Variants in LRBA observed in about 807,000 individuals in gnomAD.
LRBA encodes the protein lipopolysaccharide-responsive and beige-like anchor protein.
LRBA carries 176 observed loss-of-function variants against 330.0 expected under a neutral mutation model. That is an observed-to-expected ratio of 0.53 (90% confidence interval 0.47 to 0.60). LRBA has a LOEUF of 0.60. Ranked by LOEUF, LRBA falls within the 20% of genes least tolerant of loss-of-function variation. The pLI, the probability that LRBA is intolerant of heterozygous loss-of-function variation, is 0.00. For missense variants in LRBA, 3,259 were observed against 3,444.8 expected (o/e 0.95, Z 1.35); for synonymous variants, 1,230 against 1,193.0 (o/e 1.03, Z -0.64).
intron 33 of LRBA, among the ~76,000 whole-genome samples, chr4:150,802,492 C>T (rs553465221): frequency 1.3e-5 from 2 of 151,940 alleles, no homozygotes; most frequent in South Asian, 4.1e-4. Context: ...ATCCAGTGAA[C>T]TCACATATAA....
At chr4:150,799,165 C>T (rs1024212042) in intron 33 of LRBA, among the ~76,000 whole-genome samples, 1 of 152,172 alleles carries the variant, frequency 6.6e-6, no homozygotes, top group African/African-American at 2.4e-5. Context: ...AAGGGCTGTT[C>T]ACCCCCTTCG....
chr4:150,984,967 A>C (rs1371058978), intron 2 of LRBA, among the ~76,000 whole-genome samples: 1 of 152,228 alleles, frequency 6.6e-6, no homozygotes, highest in African/African-American at 2.4e-5. Flanking sequence ...AGCATTTTTA[A>C]ATAAGTCTTA....
chr4:150,555,728 G>A (rs914118929), intron 40 of LRBA, among the ~76,000 whole-genome samples: 2 of 147,594 alleles, frequency 1.4e-5, no homozygotes, highest in Non-Finnish European at 3.0e-5. Flanking sequence ...TCCAGCCTGG[G>A]TAACAGAGTG....
intron 40 of LRBA, among the ~76,000 whole-genome samples, chr4:150,572,959 T>C (rs1770048735): frequency 6.6e-6 from 1 of 152,104 alleles, no homozygotes; most frequent in Admixed American, 6.5e-5. Context: ...GGTCAGCACT[T>C]ACATGAAAGG....
chr4:150,783,971 G>C (rs1013689243), intron 34 of LRBA, among the ~76,000 whole-genome samples: 2 of 152,170 alleles, frequency 1.3e-5, no homozygotes, highest in Non-Finnish European at 2.9e-5. Context: ...AAGTAAATTT[G>C]TTAGTATGTA....
chr4:151,006,442 A>G (rs1744087888), intron 2 of LRBA, among the ~76,000 whole-genome samples: 1 of 152,176 alleles, frequency 6.6e-6, no homozygotes, highest in African/African-American at 2.4e-5. Context: ...TGAAGTATCA[A>G]AACACTTCAA....
chr4:150,282,865 G>T (rs1747712875), intron 54 of LRBA, among the ~76,000 whole-genome samples: 1 of 152,200 alleles, frequency 6.6e-6, no homozygotes, highest in Non-Finnish European at 1.5e-5. Flanking sequence ...GCCAAACCAT[G>T]TAAGTCCAAG....
At chr4:150,911,793 A>G (rs1022919970) in intron 9 of LRBA, among the ~76,000 whole-genome samples, 3 of 152,172 alleles carry the variant, frequency 2.0e-5, no homozygotes, top group Non-Finnish European at 2.9e-5. Flanking sequence ...GATGACTGAG[A>G]GCATTCTCCA....
At chr4:150,905,044 T>A (rs564021892) in intron 13 of LRBA, among the ~76,000 whole-genome samples, 29 of 152,276 alleles carry the variant, frequency 1.9e-4, no homozygotes, top group African/African-American at 6.7e-4. Context: ...TTTAATAAAA[T>A]GATCTGTTTC....
chr4:150,270,486 G>A (rs1052308857), intron 56 of LRBA, among the ~76,000 whole-genome samples: 3 of 152,186 alleles, frequency 2.0e-5, no homozygotes, highest in African/African-American at 7.2e-5. Context: ...CTTAGAAGAG[G>A]CAAATTCATA....
At chr4:150,422,149 C>G (rs1748893209) in intron 46 of LRBA, among the ~76,000 whole-genome samples, 2 of 152,128 alleles carry the variant, frequency 1.3e-5, no homozygotes, top group Non-Finnish European at 2.9e-5. Flanking sequence ...GTAGTCCCAG[C>G]TACTCTGGAG....
intron 46 of LRBA, among the ~76,000 whole-genome samples, chr4:150,433,581 G>A (rs1297921905): frequency 6.6e-6 from 1 of 151,784 alleles, no homozygotes; most frequent in Non-Finnish European, 1.5e-5. Context: ...TTGGTCATGA[G>A]ATGCTTAACA....
chr4:150,657,277 T>G (rs565264959), intron 37 of LRBA, among the ~76,000 whole-genome samples: 26 of 152,302 alleles, frequency 1.7e-4, no homozygotes, highest in Non-Finnish European at 3.1e-4. Context: ...CAAAATATAA[T>G]TTTTCTTTAT....
rs574233254 is a variant in LRBA at position 150,859,477 on chromosome 4, A to AC, written c.2767-6535dup. On this transcript the variant is annotated intron_variant, in intron 22 of 56. Coordinates refer to ENST00000651943, the MANE Select transcript of LRBA (RefSeq NM_001364905.1). ...ATGTTCAATTTGAAGCCAAAAACAA[A>AC]CAAAAAAAAATGAAAACCTAGACAA... Among the ~76,000 whole-genome samples, 646 of 152,222 alleles carry AC rather than the reference A, an allele frequency of 4.2e-3. 4 individuals are homozygous for AC. Among genetic ancestry groups the AC allele is most frequent in the African/African-American group, 0.015 (626 of 41,522 alleles).
chr4:150,546,487 CA>C (rs1765874432), intron 40 of LRBA, among the ~76,000 whole-genome samples: 1 of 152,188 alleles, frequency 6.6e-6, no homozygotes, highest in African/African-American at 2.4e-5. Context: ...TCCCATTGCA[CA>C]AGGTTTGTTA....
intron 37 of LRBA, among the ~76,000 whole-genome samples, chr4:150,642,933 A>G (rs1481253300): frequency 6.6e-6 from 1 of 151,940 alleles, no homozygotes; most frequent in Non-Finnish European, 1.5e-5. Flanking sequence ...TATTCGCATC[A>G]TTATTGAAAT....
intron 30 of LRBA, among the ~76,000 whole-genome samples, chr4:150,822,046 C>T (rs536348405): frequency 4.6e-5 from 7 of 151,940 alleles, no homozygotes; most frequent in Non-Finnish European, 8.8e-5. Context: ...ATTCCACTAG[C>T]CCAAGGCAGC....
chr4:150,663,358 A>G (rs777143369), intron 37 of LRBA, among the ~76,000 whole-genome samples: 7 of 152,140 alleles, frequency 4.6e-5, no homozygotes, highest in African/African-American at 9.7e-5. Context: ...AAATTATATC[A>G]AGTAAGATGT....
At chr4:150,531,807 T>C (rs918248250) in intron 40 of LRBA, among the ~76,000 whole-genome samples, 1 of 152,230 alleles carries the variant, frequency 6.6e-6, no homozygotes. Flanking sequence ...GTAACTGATG[T>C]CCAAACAGTT....
Sources: gnomAD v4.1 joint callset for allele counts (sites outside exome capture counted in the v4.1 genomes callset) on GRCh38, gnomAD v4.1.1 for gene constraint, MANE v1.5 for transcripts, NCBI Gene and HGNC (gene_info 2026-07-23, HGNC 2026-07-21) for gene names.